DHRSX: variants seen among roughly 807,000 people sequenced by gnomAD.
DHRSX encodes dehydrogenase/reductase X-linked.
DHRSX carries 31 observed loss-of-function variants against 34.0 expected under a neutral mutation model. The observed-to-expected ratio is 0.91, with a 90% CI of 0.69 to 1.23. The LOEUF is 1.23. Among genes scored for constraint, DHRSX ranks in the 50% most tolerant of loss-of-function variants. The pLI, the probability that DHRSX is intolerant of heterozygous loss-of-function variation, is 0.00. For missense variants in DHRSX, 414 were observed against 428.1 expected (o/e 0.97, Z 0.29); for synonymous variants, 201 against 183.8 (o/e 1.09, Z -0.76).
At chrX:2,238,075 A>G (rs1203512950) in intron 6 of DHRSX, among the ~76,000 whole-genome samples, 1 of 152,106 alleles carries the variant, frequency 6.6e-6, no homozygotes, top group Non-Finnish European at 1.5e-5. Context: ...CAAACCTCTC[A>G]TCTTTATAAA....
chrX:2,220,914 A>T lies in DHRSX; in HGVS notation c.*127T>A. The T allele has an allele frequency of 1.2e-6, 1 of 849,410 alleles. No individual in the cohort carries two copies. Among genetic ancestry groups the T allele is most frequent in the Non-Finnish European group, 1.8e-6 (1 of 558,812 alleles). 52.6% of individuals were successfully genotyped at this position (849,410 alleles called of 1,614,324 possible). A position where few individuals can be genotyped will look rare whatever the true frequency, so the allele number is the denominator to read the frequency against. On this transcript the variant is annotated 3_prime_UTR_variant, in exon 7 of 7. Transcript: ENST00000334651. ...GCAGAGGTTGAGGCAGCTGTCTCAA[A>T]ACTAGAGGACAGAGCCCTGTGGGCA...
intron 1 of DHRSX, among the ~76,000 whole-genome samples, chrX:2,466,049 G>A (rs1194586104): frequency 3.3e-5 from 5 of 152,108 alleles, no homozygotes; most frequent in Admixed American, 6.6e-5. Context: ...TCCTGAACAC[G>A]ACGCCTGTTA....
At chrX:2,434,281 T>C (rs1201213924) in intron 1 of DHRSX, among the ~76,000 whole-genome samples, 1 of 152,214 alleles carries the variant, frequency 6.6e-6, no homozygotes, top group African/African-American at 2.4e-5. Context: ...CCAGAATGCG[T>C]ATGCCTTGGA....
intron 2 of DHRSX, among the ~76,000 whole-genome samples, chrX:2,415,362 TA>T (rs1455624862): frequency 6.6e-6 from 1 of 151,868 alleles, no homozygotes; most frequent in Non-Finnish European, 1.5e-5. Context: ...GATCTCATCA[TA>T]ACCTAACCCA....
rs1194456364 is a variant in DHRSX at position 2,256,442 on chromosome X, C to T, written c.596+10298G>A. On this transcript the variant is annotated intron_variant, in intron 5 of 6. Transcript: ENST00000334651. ...TCCAAAGCAGCTGAGATTACAGGCA[C>T]ATGCCACCATGCCTGGCTAACTTTT... 2.0e-5 allele frequency among the ~76,000 whole-genome samples: 3 copies of T among 152,124 alleles called. No individual in the cohort carries two copies. The East Asian group carries it at 5.8e-4, about 29-fold the overall frequency.
intron 3 of DHRSX, among the ~76,000 whole-genome samples, chrX:2,401,707 T>C (rs1465825998): frequency 2.0e-5 from 3 of 152,170 alleles, no homozygotes; most frequent in Admixed American, 2.0e-4. Context: ...GTTTGATTTA[T>C]TTATATTTGG....
chrX:2,437,391 G>C (rs2044005271), intron 1 of DHRSX, among the ~76,000 whole-genome samples: 1 of 151,990 alleles, frequency 6.6e-6, no homozygotes, highest in Admixed American at 6.6e-5. Context: ...AAATCACTAG[G>C]TCAGAAGTTC....
At chrX:2,382,654 CCACCATCAT>C (rs2043219558) in intron 3 of DHRSX, among the ~76,000 whole-genome samples, 1 of 12,310 alleles carries the variant, frequency 8.1e-5, no homozygotes, top group East Asian at 1.6e-3. Context: ...ACCATCATCA[CCACCATCAT>C]CACCATCATC....
chrX:2,444,909 C>A (rs2044108868), intron 1 of DHRSX, among the ~76,000 whole-genome samples: 1 of 152,068 alleles, frequency 6.6e-6, no homozygotes, highest in African/African-American at 2.4e-5. Context: ...GTAATCCCAG[C>A]ACTTTGGGAG....
At chrX:2,270,215 A>G (rs1462186277) in intron 4 of DHRSX, among the ~76,000 whole-genome samples, 1 of 152,096 alleles carries the variant, frequency 6.6e-6, no homozygotes, top group Non-Finnish European at 1.5e-5. Context: ...GTTTGTGTAC[A>G]CAGTCTTTCC....
intron 3 of DHRSX, among the ~76,000 whole-genome samples, chrX:2,367,697 G>A (rs1204635068): frequency 6.6e-6 from 1 of 152,056 alleles, no homozygotes; most frequent in Non-Finnish European, 1.5e-5. Flanking sequence ...TCTCTGAAAT[G>A]TCTTATTTCA....
At chrX:2,359,220 T>C (rs905080810) in intron 3 of DHRSX, among the ~76,000 whole-genome samples, 5 of 152,058 alleles carry the variant, frequency 3.3e-5, no homozygotes, top group Admixed American at 6.6e-5. Context: ...AAAACAGAAA[T>C]ATCATTCCAC....
intron 1 of DHRSX, chrX:2,488,519 G>T: frequency 7.6e-7 from 1 of 1,312,740 alleles, no homozygotes; most frequent in Non-Finnish European, 1.0e-6. Context: ...CCTTCTAGGT[G>T]TCAAAGACAG....
chrX:2,285,533 G>T (rs2041794152), intron 4 of DHRSX, among the ~76,000 whole-genome samples: 1 of 152,012 alleles, frequency 6.6e-6, no homozygotes, highest in Non-Finnish European at 1.5e-5. Context: ...ATGGGGAGTG[G>T]CTGTAAATAC....
rs1556422335 is a variant in DHRSX at position 2,224,965 on chromosome X, C to CAT, written c.805-3737_805-3736insAT. On this transcript the variant is annotated intron_variant, in intron 6 of 6. Coordinates refer to ENST00000334651, the MANE Select transcript of DHRSX (RefSeq NM_145177.3). ...CATGTACACAGCTCACACACATGCT[C>CAT]ACATTCACATGCACACTAATTCACA... Among the ~76,000 whole-genome samples, 795 of 149,852 alleles carry CAT rather than the reference C, an allele frequency of 5.3e-3. 12 individuals are homozygous for CAT. The highest frequency in any genetic ancestry group is 0.017 in the African/African-American group (681 of 40,608).
At chrX:2,285,255 G>A (rs1332996732) in intron 4 of DHRSX, among the ~76,000 whole-genome samples, 1 of 152,162 alleles carries the variant, frequency 6.6e-6, no homozygotes, top group Admixed American at 6.5e-5. Flanking sequence ...TATAGAATCA[G>A]TGGGAGCCCT....
At chrX:2,277,523 GAGAA>G (rs1335971010) in intron 4 of DHRSX, among the ~76,000 whole-genome samples, 2 of 21,680 alleles carry the variant, frequency 9.2e-5, no homozygotes, top group African/African-American at 1.2e-4. Flanking sequence ...GGGAAAGAGA[GAGAA>G]AGAGAGATGG....
At chrX:2,477,956 C>T (rs2044706552) in intron 1 of DHRSX, among the ~76,000 whole-genome samples, 1 of 152,190 alleles carries the variant, frequency 6.6e-6, no homozygotes, top group South Asian at 2.1e-4. Context: ...GGTTTCTCTC[C>T]TGTCATCCTC....
intron 3 of DHRSX, among the ~76,000 whole-genome samples, chrX:2,371,422 TCTGTTA>T (rs2043064472): frequency 1.4e-5 from 2 of 146,962 alleles, no homozygotes; most frequent in Non-Finnish European, 1.5e-5. Flanking sequence ...AGTCCCTCCT[TCTGTTA>T]CCACAGACCC....
Sources: allele counts gnomAD v4.1 joint callset (sites outside exome capture counted in the v4.1 genomes callset), GRCh38; gene constraint gnomAD v4.1.1; transcripts MANE v1.5; gene names NCBI Gene and HGNC (gene_info 2026-07-23, HGNC 2026-07-21).